Variants in PNN observed in about 807,000 individuals in gnomAD.
PNN encodes the protein pinin.
A neutral mutation model predicts 76.6 loss-of-function variants in PNN; 38 were observed. That is an observed-to-expected ratio of 0.50 (90% CI 0.38 to 0.65). PNN has a LOEUF of 0.65. PNN is among the 30% of genes least tolerant of loss of function. PNN has a pLI of 0.00. For missense variants in PNN, 873 were observed against 874.1 expected (o/e 1.00, Z 0.02); for synonymous variants, 366 against 283.7 (o/e 1.29, Z -2.91).
intron 6 of PNN, among the ~76,000 whole-genome samples, chr14:39,178,398 G>T (rs2053245255): frequency 6.6e-6 from 1 of 152,086 alleles, no homozygotes; most frequent in African/African-American, 2.4e-5. Context: ...GCCTGTGGTG[G>T]CATGCGCCTG....
rs556060933 is a variant in PNN, at chr14:39,182,275, C to G, written c.*412C>G. On this transcript the variant is annotated 3_prime_UTR_variant, in exon 9 of 9. Coordinates refer to ENST00000216832, the MANE Select transcript of PNN (RefSeq NM_002687.4). The stretch of plus-strand genomic sequence containing the variant: ...TATTTTTGGGATGTCCTCGTTGACA[C>G]TTGTATAATAAATATCCTCTTTATC... The G allele has an allele frequency of 6.3e-6, 1 of 157,568 alleles. No homozygotes were observed. Among genetic ancestry groups the G allele is most frequent in the South Asian group, 1.9e-4 (1 of 5,372 alleles). 9.8% of individuals were successfully genotyped at this position (157,568 alleles called of 1,614,324 possible).
rs900007977 is a variant in PNN, at chr14:39,181,479, C to T, written c.1770C>T (p.Ser590=). ...SSSSSSSSTS[S]SSGSSSSSGS... is the part of the protein sequence containing the mutation. ...GTTCTAGTAGCAGTTCAACCAGTAGCAGCAGTGGAAGTAGTTCCAGCAGTG... is the reference window on the plus strand; with the variant it reads ...GTTCTAGTAGCAGTTCAACCAGTAGTAGCAGTGGAAGTAGTTCCAGCAGTG... Residue 590 remains serine, a synonymous_variant, in exon 9 of 9, where the codon AGC becomes AGT. Transcript: ENST00000216832. 1 of 1,606,906 alleles carries T rather than the reference C, an allele frequency of 6.2e-7. No homozygotes were observed. The highest frequency in any genetic ancestry group is 8.5e-7 in the Non-Finnish European group (1 of 1,176,428).
intron 5 of PNN, 49 bp from the exon 6 acceptor site, chr14:39,177,792 A>T: frequency 6.7e-7 from 1 of 1,492,566 alleles, no homozygotes; most frequent in Non-Finnish European, 9.3e-7. Flanking sequence ...TGATGGGTTT[A>T]AATGAAATGG....
Position 39,175,427 on chromosome 14 carries a change from CGGAGAGGCAGCCCTCAGGTCGGG to C in PNN, c.113+37_113+59del, listed in dbSNP as rs772410213. 1.4e-4 allele frequency: 190 copies of C among 1,315,882 alleles called. No homozygotes were observed. In the Middle Eastern group the frequency reaches 3.8e-3, roughly 26 times the overall value. 81.5% of individuals were successfully genotyped at this position (1,315,882 alleles called of 1,614,324 possible). On this transcript the variant is annotated intron_variant, in intron 1 of 8. Transcript: ENST00000216832. ...TAACGGGAACTCGGAACTCGGAGCT[CGGAGAGGCAGCCCTCAGGTCGGG>C]GTGAATTGGGGGCGGGGAGGGCGGC...
chr14:39,176,042 C>T (rs1177963905), intron 1 of PNN, 36 bp from the exon 2 acceptor site: 1 of 1,167,228 alleles, frequency 8.6e-7, no homozygotes, highest in Admixed American at 1.7e-5. Flanking sequence ...TGTGTGTCTA[C>T]ATATGATTTT....
Position 39,176,532 on chromosome 14 carries a change from G to A in PNN, c.191G>A (p.Gly64Glu), listed in dbSNP as rs761613146. 4 of 1,604,442 alleles carry A rather than the reference G, an allele frequency of 2.5e-6. No individual in the cohort carries two copies. In the South Asian group the frequency reaches 4.5e-5, roughly 18 times the overall value. Residue 64 changes from glycine (G) to glutamate (E), a missense_variant, in exon 3 of 9, where the codon GGA becomes GAA. By Grantham distance (98) the Gly-to-Glu change is moderately conservative (BLOSUM62 -2). Transcript: ENST00000216832. ...RGRGSLLLRR[G>E]FSDSGGGPPA... ...TTGAACATTTTAAATTTCAGGCGTG[G>A]ATTCTCAGATAGTGGAGGAGGACCC...
At chr14:39,179,010 A>G in intron 6 of PNN, 81 bp from the exon 7 acceptor site, 2 of 1,323,094 alleles carry the variant, frequency 1.5e-6, no homozygotes, top group East Asian at 4.6e-5. Flanking sequence ...ACTTTTTATC[A>G]TAATTGAACT....
At position 39,180,701 on chromosome 14, in the gene PNN, TAGAGGAAGCAGG is replaced by T. The variant is rs748321191; in HGVS notation, c.1001_1012del (p.Ala334_Glu337del). On this transcript the variant is annotated inframe_deletion, in exon 9 of 9. Transcript: ENST00000216832. The stretch of plus-strand genomic sequence containing the variant: ...GGTAATCAGCACAATGATGTAGAAA[TAGAGGAAGCAGG>T]AGAGGAAGAGGAAAAGGAAATAGCG... 5.7e-5 allele frequency: 91 copies of T among 1,604,252 alleles called. No individual in the cohort carries two copies. Among genetic ancestry groups the T allele is most frequent in the East Asian group, 1.3e-4 (6 of 44,676 alleles).
Position 39,181,418 on chromosome 14 carries a change from C to T in PNN, c.1709C>T (p.Thr570Ile). The change falls in exon 9 of 9, where the codon ACA becomes ATA. Residue 570 changes from threonine to isoleucine, a missense_variant. Around this residue, in one of 3 missense-constraint regions of PNN, gnomAD observed 712 missense variants for 693.1 expected, o/e 1.03. Coordinates refer to ENST00000216832, the MANE Select transcript of PNN (RefSeq NM_002687.4). ...SRSRGRARNKTSKSRSRSSSS... is the reference protein window; with the variant it reads ...SRSRGRARNKISKSRSRSSSS... ...AGTAGAGGTCGAGCTAGAAATAAAACAAGCAAGAGTAGAAGTCGAAGCAGT... is the reference window on the plus strand; with the variant it reads ...AGTAGAGGTCGAGCTAGAAATAAAATAAGCAAGAGTAGAAGTCGAAGCAGT... 2 of 1,614,160 alleles carry T rather than the reference C, an allele frequency of 1.2e-6. No individual in the cohort carries two copies. The highest frequency in any genetic ancestry group is 1.1e-5 in the South Asian group (1 of 91,082).
Position 39,181,915 on chromosome 14 carries a change from T to TA in PNN, c.*58dup, listed in dbSNP as rs1566559935. On this transcript the variant is annotated 3_prime_UTR_variant, in exon 9 of 9. Coordinates refer to ENST00000216832, the MANE Select transcript of PNN (RefSeq NM_002687.4). ...TTCTTTGCAGCAGAAGATTTCTTGA[T>TA]AAAAAAGGATTACCTTTCCTTGTAA... The TA allele has an allele frequency of 1.3e-6, 2 of 1,498,946 alleles. No homozygotes were observed. The highest frequency in any genetic ancestry group is 1.8e-6 in the Non-Finnish European group (2 of 1,128,586). The allele number at this position is 1,498,946 out of a possible 1,614,324, so 92.9% of individuals were successfully genotyped here. A position where few individuals can be genotyped will look rare whatever the true frequency, so the allele number is the denominator to read the frequency against.
chr14:39,175,479 C>T, intron 1 of PNN, 87 bp downstream of exon 1: 1 of 816,270 alleles, frequency 1.2e-6, no homozygotes, highest in Non-Finnish European at 2.1e-6. Context: ...GGGCGGCCAG[C>T]CTTAAGAAGA....
chr14:39,181,486 G>A lies in PNN; in HGVS notation c.1777G>A (p.Gly593Arg). ...SSSSSTSSSS[G>R]SSSSSGSSSS... ...TAGCAGTTCAACCAGTAGCAGCAGTGGAAGTAGTTCCAGCAGTGGAAGTAG... is the reference window on the plus strand; with the variant it reads ...TAGCAGTTCAACCAGTAGCAGCAGTAGAAGTAGTTCCAGCAGTGGAAGTAG... Residue 593 changes from glycine to arginine, a missense_variant, in exon 9 of 9, where the codon GGA becomes AGA. Physicochemically the swap from Gly to Arg is moderately radical, Grantham distance 125 (BLOSUM62 -2). Transcript: ENST00000216832. The A allele has an allele frequency of 6.2e-7, 1 of 1,604,992 alleles. No homozygotes were observed. Among genetic ancestry groups the A allele is most frequent in the Non-Finnish European group, 8.5e-7 (1 of 1,175,540 alleles).
chr14:39,175,773 C>G (rs553622671), intron 1 of PNN: 3 of 474,628 alleles, frequency 6.3e-6, no homozygotes, highest in Non-Finnish European at 7.5e-6. Context: ...CAACAAGCCG[C>G]CTTACCCCAG....
intron 3 of PNN, among the ~76,000 whole-genome samples, chr14:39,177,050 G>A (rs1159614555): frequency 6.6e-6 from 1 of 152,218 alleles, no homozygotes; most frequent in African/African-American, 2.4e-5. Context: ...GAGGGCATTT[G>A]CCCTTGGTGT....
chr14:39,178,885 C>A (rs369194606), intron 6 of PNN: 1 of 472,854 alleles, frequency 2.1e-6, no homozygotes, highest in Non-Finnish European at 3.7e-6. Context: ...ATTATAGGTG[C>A]GTGCAACCAC....
intron 1 of PNN, 128 bp downstream of exon 1, chr14:39,175,520 C>T (rs1012634324): frequency 1.6e-5 from 11 of 681,462 alleles, no homozygotes; most frequent in Non-Finnish European, 2.6e-5. Flanking sequence ...CGCGGGGCGG[C>T]GGGTAAAACC....
rs560883315 is a variant in PNN at position 39,177,432 on chromosome 14, C to T, written c.275C>T (p.Thr92Ile). The change falls in exon 4 of 9, where the codon ACC becomes ATC. Residue 92 changes from threonine to isoleucine, a missense_variant. Physicochemically the swap from Thr to Ile is moderately conservative, Grantham distance 89 (BLOSUM62 -1). Transcript: ENST00000216832. ...GACAGGCTGGGCGGGGAGCGTCGGACCAGAAGAGAATCACGCCAGGAAAGC... is the reference window on the plus strand; with the variant it reads ...GACAGGCTGGGCGGGGAGCGTCGGATCAGAAGAGAATCACGCCAGGAAAGC... ...AVSRLGGERR[T>I]RRESRQESDP... 64 of 1,613,902 alleles carry T rather than the reference C, an allele frequency of 4.0e-5. 1 individual carries two copies. In the South Asian group the frequency reaches 6.8e-4, roughly 17 times the overall value.
At chr14:39,176,480 T>C (rs1322244870) in intron 2 of PNN, 47 bp from the exon 3 acceptor site, 1 of 1,335,346 alleles carries the variant, frequency 7.5e-7, no homozygotes, top group African/African-American at 1.5e-5. Flanking sequence ...GGAAATACCA[T>C]TTATCTTGTA....
At chr14:39,177,333 C>A in intron 3 of PNN, 79 bp from the exon 4 acceptor site, 1 of 1,145,638 alleles carries the variant, frequency 8.7e-7, no homozygotes, top group Non-Finnish European at 1.3e-6. Context: ...CTGCAGTGAA[C>A]CGTGGTGGCA....
Sources: gnomAD v4.1 joint callset for allele counts (sites outside exome capture counted in the v4.1 genomes callset) on GRCh38, gnomAD v4.1.1 for gene constraint, gnomAD v4.1.1 regional missense constraint, MANE v1.5 for transcripts, NCBI Gene and HGNC (gene_info 2026-07-23, HGNC 2026-07-21) for gene names.